PLAC1: variants seen among roughly 807,000 people sequenced by gnomAD.
The protein encoded by PLAC1 is placenta-specific protein 1.
For synonymous variants in PLAC1, 68 were observed against 62.1 expected (o/e 1.09, Z -0.44); for missense variants, 136 against 163.2 (o/e 0.83, Z 0.91).
intron 2 of PLAC1, among the ~76,000 whole-genome samples, chrX:134,598,271 T>C (rs770105859): frequency 2.7e-5 from 3 of 112,025 alleles, no homozygotes; most frequent in Non-Finnish European, 5.6e-5. Context: ...AGCAGAACTA[T>C]AGACTAAAGT....
chrX:134,745,409 C>T (rs866151974), intron 1 of PLAC1, among the ~76,000 whole-genome samples: 42 of 111,742 alleles, frequency 3.8e-4, no homozygotes, highest in African/African-American at 1.4e-3. Context: ...TAATCAGGCT[C>T]CACCCACTGG....
At chrX:134,744,419 C>A (rs1250666773) in intron 1 of PLAC1, among the ~76,000 whole-genome samples, 8 of 111,838 alleles carry the variant, frequency 7.2e-5, no homozygotes, top group Admixed American at 2.8e-4. Flanking sequence ...TATCAGGTGA[C>A]CCCGCCACTT....
At chrX:134,721,599 T>C (rs1225419177) in intron 2 of PLAC1, among the ~76,000 whole-genome samples, 1 of 108,554 alleles carries the variant, frequency 9.2e-6, no homozygotes, top group African/African-American at 3.4e-5. Flanking sequence ...GCATGGTGGA[T>C]CACACCTGTA....
chrX:134,647,354 C>A (rs1234712651), intron 1 of PLAC1, among the ~76,000 whole-genome samples: 1 of 110,440 alleles, frequency 9.1e-6, no homozygotes, highest in African/African-American at 3.3e-5. Context: ...CTCTCATGAG[C>A]TGCTGTGTTG....
At chrX:134,574,075 C>G (rs904596703) in intron 2 of PLAC1, among the ~76,000 whole-genome samples, 1 of 101,859 alleles carries the variant, frequency 9.8e-6, no homozygotes, top group Non-Finnish European at 1.9e-5. Flanking sequence ...CTCTCTGTCT[C>G]TCTCTCTCTC....
At chrX:134,692,217 T>C (rs1381818551) in intron 2 of PLAC1, among the ~76,000 whole-genome samples, 1 of 111,677 alleles carries the variant, frequency 9.0e-6, no homozygotes, top group Non-Finnish European at 1.9e-5. Flanking sequence ...AACTACTTGG[T>C]CTTGACCTCA....
intron 1 of PLAC1, among the ~76,000 whole-genome samples, chrX:134,632,574 C>A (rs1040830871): frequency 1.8e-5 from 2 of 111,632 alleles, no homozygotes; most frequent in Non-Finnish European, 1.9e-5. Context: ...CAGATGGCTC[C>A]TCCACAGATC....
intron 2 of PLAC1, among the ~76,000 whole-genome samples, chrX:134,699,359 T>TC (rs1163448789): frequency 9.0e-6 from 1 of 111,257 alleles, no homozygotes; most frequent in African/African-American, 3.3e-5. Flanking sequence ...ATTCCTCCCC[T>TC]CCAGAGGATG....
chrX:134,614,246 A>G (rs187769792), intron 1 of PLAC1, among the ~76,000 whole-genome samples: 12 of 111,626 alleles, frequency 1.1e-4, no homozygotes, highest in African/African-American at 3.9e-4. Context: ...TAAAATGTTT[A>G]TTGCATATAT....
intron 2 of PLAC1, among the ~76,000 whole-genome samples, chrX:134,567,887 C>T (rs2077886245): frequency 9.0e-6 from 1 of 110,644 alleles, no homozygotes; most frequent in African/African-American, 3.3e-5. Context: ...CAAGATATCT[C>T]CTAAAATCTT....
chrX:134,576,798 G>A (rs1056260497), intron 2 of PLAC1, among the ~76,000 whole-genome samples: 1 of 111,098 alleles, frequency 9.0e-6, no homozygotes, highest in Non-Finnish European at 1.9e-5. Context: ...CCAATGATGT[G>A]CCTGCAACCC....
chrX:134,580,019 T>C (rs531525921), intron 2 of PLAC1, among the ~76,000 whole-genome samples: 10 of 112,159 alleles, frequency 8.9e-5, no homozygotes, highest in East Asian at 8.4e-4. Flanking sequence ...CTTCCGCCAA[T>C]TGGAGCACCC....
At position 134,642,968 on chromosome X, in the gene PLAC1, G is replaced by C. The variant is rs186287356; in HGVS notation, c.-131+15360C>G. On this transcript the variant is annotated intron_variant, in intron 1 of 2. Coordinates refer to ENST00000359237, the MANE Select transcript of PLAC1 (RefSeq NM_021796.4). Reference sequence around the variant, plus strand: ...GGGAGAAGAAGAAGAAAAAGAGAGAGAGAGGACAGAACTGTATTTAGAATA... The same window carrying C: ...GGGAGAAGAAGAAGAAAAAGAGAGACAGAGGACAGAACTGTATTTAGAATA... Among the ~76,000 whole-genome samples the C allele has an allele frequency of 2.7e-3, 296 of 109,711 alleles. 1 individual carries two copies. The highest frequency in any genetic ancestry group is 4.5e-3 in the Non-Finnish European group (238 of 52,648).
intron 2 of PLAC1, among the ~76,000 whole-genome samples, chrX:134,697,458 T>A (rs182403063): frequency 1.5e-3 from 166 of 112,730 alleles, no homozygotes; most frequent in Middle Eastern, 4.6e-3. Flanking sequence ...AAGTTTTATA[T>A]TCATTCATTC....
chrX:134,593,663 A>G (rs1205235784), intron 2 of PLAC1, among the ~76,000 whole-genome samples: 1 of 111,805 alleles, frequency 8.9e-6, no homozygotes, highest in Non-Finnish European at 1.9e-5. Flanking sequence ...AGCAATTATA[A>G]ATGGTGTTGT....
At chrX:134,716,538 T>C (rs2078643879) in intron 2 of PLAC1, among the ~76,000 whole-genome samples, 1 of 112,565 alleles carries the variant, frequency 8.9e-6, no homozygotes, top group African/African-American at 3.2e-5. Context: ...ATATACTCCC[T>C]GTGTTTAGGC....
chrX:134,603,494 C>T (rs1016549780), intron 1 of PLAC1, among the ~76,000 whole-genome samples: 1 of 100,788 alleles, frequency 9.9e-6, no homozygotes, highest in African/African-American at 3.6e-5. Flanking sequence ...CCCGCCACCA[C>T]GCCTGGGTAT....
intron 1 of PLAC1, among the ~76,000 whole-genome samples, chrX:134,762,205 C>CT (rs1008269576): frequency 1.8e-5 from 2 of 108,147 alleles, no homozygotes; most frequent in African/African-American, 6.8e-5. Flanking sequence ...CACCCCCCCC[C>CT]CAATGACCAC....
chrX:134,587,381 A>G (rs1351994960), intron 2 of PLAC1, among the ~76,000 whole-genome samples: 1 of 105,332 alleles, frequency 9.5e-6, no homozygotes, highest in Non-Finnish European at 2.0e-5. Flanking sequence ...ACAAAATGAG[A>G]CCCCTGTCTT....
Sources: allele counts gnomAD v4.1 joint callset (sites outside exome capture counted in the v4.1 genomes callset), GRCh38; gene constraint gnomAD v4.1.1; transcripts MANE v1.5; gene names NCBI Gene and HGNC (gene_info 2026-07-23, HGNC 2026-07-21).